Variants in MCF2L observed in about 807,000 individuals in gnomAD.
MCF2L encodes the protein MCF.2 cell line derived transforming sequence like.
In MCF2L, 97 loss-of-function variants were observed where a neutral mutation model predicts 153.4. The ratio of observed to expected loss-of-function variants is 0.63; its 90% CI spans 0.54 to 0.75. MCF2L has a LOEUF of 0.75. MCF2L is among the 30% of genes least tolerant of loss of function. MCF2L has a pLI of 0.00. For missense variants in MCF2L, 1,347 were observed against 1,495.2 expected (o/e 0.90, Z 1.64); for synonymous variants, 659 against 632.2 (o/e 1.04, Z -0.64).
At chr13:113,032,082 G>A (rs951210783) in intron 3 of MCF2L, among the ~76,000 whole-genome samples, 5 of 152,160 alleles carry the variant, frequency 3.3e-5, no homozygotes, top group South Asian at 2.1e-4. Flanking sequence ...ACAGAAACAC[G>A]AATGTAATCA....
At chr13:112,961,624 GC>G (rs1355269655) in intron 2 of MCF2L, among the ~76,000 whole-genome samples, 1 of 152,250 alleles carries the variant, frequency 6.6e-6, no homozygotes, top group Non-Finnish European at 1.5e-5. Context: ...CCATGGCCTG[GC>G]CGGGACCTGC....
chr13:112,965,137 C>A (rs1462533266), upstream of MCF2L: 1 of 152,810 alleles, frequency 6.5e-6, no homozygotes, highest in East Asian at 1.9e-4. Context: ...TCCAGCAGCT[C>A]CTCCTCTTCC....
chr13:113,018,906 G>C (rs1378895988), intron 2 of MCF2L, among the ~76,000 whole-genome samples: 2 of 152,212 alleles, frequency 1.3e-5, no homozygotes, highest in African/African-American at 4.8e-5. Flanking sequence ...AATGTGGCAT[G>C]GTCAGCGGTG....
At chr13:113,072,207 G>A (rs866990944) in intron 9 of MCF2L, among the ~76,000 whole-genome samples, 1 of 152,168 alleles carries the variant, frequency 6.6e-6, no homozygotes, top group Non-Finnish European at 1.5e-5. Flanking sequence ...ACCTTGCTGA[G>A]CACACGTATT....
Position 112,911,570 on chromosome 13 carries a change from C to T in MCF2L, c.169+9199C>T, listed in dbSNP as rs942642063. Among the ~76,000 whole-genome samples, 6 of 152,350 alleles carry T rather than the reference C, an allele frequency of 3.9e-5. No individual in the cohort carries two copies. In the South Asian group the frequency reaches 1.0e-3, roughly 26 times the overall value. On this transcript the variant is annotated intron_variant, in intron 2 of 29. Coordinates refer to the MCF2L transcript ENST00000375608. ...CCTCCCTCACTTCCAGAGACCTGGG[C>T]CCCGGGCCTCACCCAAGCCCCTGCT...
intron 1 of MCF2L, among the ~76,000 whole-genome samples, chr13:113,008,115 C>T (rs1313838811): frequency 2.0e-5 from 3 of 152,068 alleles, no homozygotes; most frequent in Non-Finnish European, 4.4e-5. Context: ...GGGGGTTTCG[C>T]CATGTTGACC....
chr13:113,073,872 G>A (rs887752421), intron 9 of MCF2L, among the ~76,000 whole-genome samples: 1 of 151,374 alleles, frequency 6.6e-6, no homozygotes, highest in Non-Finnish European at 1.5e-5. Context: ...CCAAGATCAC[G>A]CCACTGCACT....
chr13:112,919,793 A>T (rs1200237645), intron 2 of MCF2L, among the ~76,000 whole-genome samples: 1 of 152,198 alleles, frequency 6.6e-6, no homozygotes, highest in African/African-American at 2.4e-5. Context: ...ACCATCTGTA[A>T]CTCCAAAATG....
At position 113,078,406 on chromosome 13, in the gene MCF2L, G is replaced by A. The variant is rs780430545; in HGVS notation, c.1704G>A (p.Ala568=). ...AGAACTCCAGCTCCGAGGGCGGTGC[G>A]CTCCGGAGAGGGCCCTACCGGAGGG... The part of the protein sequence containing the change: ...GSENSSSEGG[A]LRRGPYRRAK... The change falls in exon 14 of 30, where the codon GCG becomes GCA. Residue 568 remains alanine (A), a synonymous_variant. Transcript: ENST00000535094. 16 of 1,612,634 alleles carry A rather than the reference G, an allele frequency of 9.9e-6. No homozygotes were observed. In the East Asian group the frequency reaches 1.1e-4, roughly 11 times the overall value.
intron 2 of MCF2L, among the ~76,000 whole-genome samples, chr13:112,915,221 A>C (rs2081278561): frequency 1.3e-5 from 2 of 151,826 alleles, no homozygotes; most frequent in South Asian, 4.2e-4. Flanking sequence ...CACCCTGGCT[A>C]ACACGGTGAA....
At chr13:113,090,927 C>T in intron 26 of MCF2L, 9 of 1,193,656 alleles carry the variant, frequency 7.5e-6, no homozygotes, top group Non-Finnish European at 9.5e-6. Context: ...CCCATGCCCT[C>T]CCGGCCCCTC....
chr13:113,006,165 C>A (rs1326354543), intron 1 of MCF2L, among the ~76,000 whole-genome samples: 2 of 152,204 alleles, frequency 1.3e-5, no homozygotes, highest in Non-Finnish European at 2.9e-5. Context: ...ATGTCGGCAC[C>A]CTCCCAGCCC....
chr13:112,917,270 C>T (rs1194641271), intron 2 of MCF2L: 2 of 441,638 alleles, frequency 4.5e-6, no homozygotes, highest in African/African-American at 2.0e-5. Context: ...CCGCGTCATC[C>T]ACTGCAGCTC....
chr13:113,042,576 T>G (rs2086568270), intron 3 of MCF2L: 2 of 152,184 alleles, frequency 1.3e-5, no homozygotes, highest in African/African-American at 4.8e-5. Context: ...CGGGCGCCTT[T>G]TTCGTGGCTG....
intron 9 of MCF2L, among the ~76,000 whole-genome samples, chr13:113,073,646 G>A (rs952071840): frequency 7.2e-5 from 11 of 152,232 alleles, no homozygotes; most frequent in African/African-American, 2.7e-4. Flanking sequence ...CAGGCATGGT[G>A]GCTCACACCT....
chr13:113,087,534 T>C, intron 22 of MCF2L, 78 bp downstream of exon 22: 1 of 1,281,906 alleles, frequency 7.8e-7, no homozygotes, highest in Non-Finnish European at 1.1e-6. Context: ...CGGTCTGAGG[T>C]GGCCACGCTG....
chr13:113,010,894 G>A (rs1440945526), intron 1 of MCF2L, among the ~76,000 whole-genome samples: 1 of 152,206 alleles, frequency 6.6e-6, no homozygotes, highest in African/African-American at 2.4e-5. Context: ...CTCCTCTGGG[G>A]ACCTGTCTCC....
rs2086728184 is a variant in MCF2L at position 113,045,124 on chromosome 13, C to G, written c.279-147C>G. The G allele has an allele frequency of 6.5e-6, 6 of 922,672 alleles. No homozygotes were observed. Among genetic ancestry groups the G allele is most frequent in the Non-Finnish European group, 1.0e-5 (6 of 585,644 alleles). 57.2% of individuals were successfully genotyped at this position (922,672 alleles called of 1,614,324 possible). A position where few individuals can be genotyped will look rare whatever the true frequency, so the allele number is the denominator to read the frequency against. On this transcript the variant is annotated intron_variant, in intron 3 of 29. Transcript: ENST00000535094. The surrounding 1 kb of genome is among the most constrained non-coding windows in gnomAD (Gnocchi z 4.2). ...CTGCGGGGATGGGGCTGCCGGGGCC[C>G]CCGTGTGCCATGCCTCTCACCTGGT...
At chr13:113,047,921 C>T (rs1286766613) in intron 4 of MCF2L, among the ~76,000 whole-genome samples, 3 of 152,140 alleles carry the variant, frequency 2.0e-5, no homozygotes, top group South Asian at 2.1e-4. Context: ...CCTCCGCTGA[C>T]GCCTCGCTAC....
Sources: gnomAD v4.1 joint callset for allele counts (sites outside exome capture counted in the v4.1 genomes callset) on GRCh38, gnomAD v4.1.1 for gene constraint, Gnocchi (gnomAD v3.1) non-coding constraint, MANE v1.5 for transcripts, NCBI Gene and HGNC (gene_info 2026-07-23, HGNC 2026-07-21) for gene names.